Variants in CCDC3 observed in about 807,000 individuals in gnomAD.
The protein encoded by CCDC3 is coiled-coil domain containing 3, also known as coiled-coil domain-containing protein 3.
CCDC3 carries 24 observed loss-of-function variants against 21.4 expected under a neutral mutation model. The observed-to-expected ratio is 1.12, with a 90% CI of 0.81 to 1.58. The LOEUF (loss-of-function observed/expected upper bound fraction) is 1.58, where lower values mean the gene tolerates loss of function less well. Ranked by LOEUF, CCDC3 falls within the 40% of genes most tolerant of loss-of-function variation. The probability of loss-of-function intolerance (pLI) is 0.00; values close to 1 mark genes in which losing one functional copy is unlikely to be tolerated. For synonymous variants in CCDC3, 186 were observed against 166.0 expected, an observed-to-expected ratio of 1.12 and a Z score of -0.93; for missense variants, 425 against 360.9, an observed-to-expected ratio of 1.18 and a Z score of -1.44.
chr10:12,913,414 T>C (rs961791562), intron 2 of CCDC3, among the ~76,000 whole-genome samples: 2 of 152,262 alleles, frequency 1.3e-5, no homozygotes, highest in African/African-American at 4.8e-5. Flanking sequence ...ATACTACTGA[T>C]TTTTGTGTGT....
intron 2 of CCDC3, among the ~76,000 whole-genome samples, chr10:12,989,340 G>A (rs577014699): frequency 1.3e-5 from 2 of 152,332 alleles, no homozygotes; most frequent in African/African-American, 4.8e-5. Context: ...CACTGACTTA[G>A]TCCAGAGCAG....
intron 2 of CCDC3, among the ~76,000 whole-genome samples, chr10:12,981,581 T>C (rs1835497555): frequency 6.6e-6 from 1 of 152,006 alleles, no homozygotes; most frequent in Admixed American, 6.5e-5. Context: ...ACAAGAAAAG[T>C]GATAAAAATT....
At chr10:13,018,452 A>C (rs1836100062) in intron 5 of CCDC3, among the ~76,000 whole-genome samples, 1 of 152,146 alleles carries the variant, frequency 6.6e-6, no homozygotes. Context: ...GATACATGGG[A>C]AAGTTTACAA....
chr10:12,982,208 C>T (rs569003953), intron 2 of CCDC3, among the ~76,000 whole-genome samples: 7 of 149,670 alleles, frequency 4.7e-5, no homozygotes. Context: ...ACGTGGAGGA[C>T]CTTGAGGACA....
intron 2 of CCDC3, among the ~76,000 whole-genome samples, chr10:12,947,373 C>G (rs1333722499): frequency 6.6e-6 from 1 of 152,160 alleles, no homozygotes; most frequent in Non-Finnish European, 1.5e-5. Flanking sequence ...GTCTGGAACT[C>G]CTGACCTCCA....
intron 2 of CCDC3, among the ~76,000 whole-genome samples, chr10:12,922,987 G>A (rs1834475921): frequency 6.6e-6 from 1 of 152,126 alleles, no homozygotes; most frequent in Non-Finnish European, 1.5e-5. Context: ...CTCCCTTTGT[G>A]AGTGAGATAA....
intron 2 of CCDC3, among the ~76,000 whole-genome samples, chr10:12,959,820 A>G (rs1478787346): frequency 6.6e-6 from 1 of 152,090 alleles, no homozygotes; most frequent in Non-Finnish European, 1.5e-5. Context: ...AAACACTCAC[A>G]AGTGAGGCCC....
At chr10:12,942,098 C>G (rs1199991357) in intron 2 of CCDC3, among the ~76,000 whole-genome samples, 3 of 152,146 alleles carry the variant, frequency 2.0e-5, no homozygotes, top group Admixed American at 1.3e-4. Context: ...CTCTTGTTTT[C>G]TCTAGAACCT....
At chr10:12,968,170 G>GAA (rs201352248) in intron 2 of CCDC3, among the ~76,000 whole-genome samples, 4 of 81,114 alleles carry the variant, frequency 4.9e-5, no homozygotes, top group Middle Eastern at 8.8e-3. Context: ...CTTCACCTCA[G>GAA]AAAAAAAAAA....
intron 4 of CCDC3, among the ~76,000 whole-genome samples, chr10:13,069,896 G>T (rs534534536): frequency 6.6e-6 from 1 of 152,204 alleles, no homozygotes. Context: ...ACAGATAATT[G>T]TCTTATTTTG....
chr10:12,928,422 G>C (rs370039970), intron 2 of CCDC3, among the ~76,000 whole-genome samples: 13 of 152,136 alleles, frequency 8.5e-5, no homozygotes, highest in African/African-American at 3.1e-4. Context: ...ACCGTTTTAG[G>C]AATTACAATA....
chr10:13,001,735 C>A (rs550824010), upstream of CCDC3: 434 of 353,756 alleles, frequency 1.2e-3, 2 homozygotes, highest in Non-Finnish European at 1.5e-3. Flanking sequence ...GCGCGCCACG[C>A]TTTAAAAGGG....
chr10:12,935,486 G>A (rs916175458), intron 2 of CCDC3, among the ~76,000 whole-genome samples: 8 of 152,082 alleles, frequency 5.3e-5, no homozygotes, highest in African/African-American at 1.9e-4. Flanking sequence ...ATTTCATATC[G>A]GTTACTGTTT....
chr10:12,954,157 A>G (rs1238824868), intron 2 of CCDC3, among the ~76,000 whole-genome samples: 5 of 152,264 alleles, frequency 3.3e-5, no homozygotes, highest in African/African-American at 1.2e-4. Context: ...ATGTAGCTAC[A>G]GGCTATAGTC....
chr10:12,956,589 C>T (rs1835090133), intron 2 of CCDC3, among the ~76,000 whole-genome samples: 2 of 152,192 alleles, frequency 1.3e-5, no homozygotes, highest in South Asian at 2.1e-4. Context: ...TTTCTTTTGC[C>T]TGGAGCTTCT....
chr10:12,993,060 C>A (rs937438040), intron 2 of CCDC3, among the ~76,000 whole-genome samples: 3 of 152,102 alleles, frequency 2.0e-5, no homozygotes, highest in Non-Finnish European at 4.4e-5. Flanking sequence ...GCACAAACCC[C>A]TGTTACTACT....
At chr10:12,919,703 G>C (rs1430227389) in intron 2 of CCDC3, among the ~76,000 whole-genome samples, 1 of 150,278 alleles carries the variant, frequency 6.7e-6, no homozygotes, top group African/African-American at 2.4e-5. Context: ...GCATCTTGCA[G>C]CTCCTTCCAT....
chr10:12,987,687 G>C (rs1352390719), intron 2 of CCDC3, among the ~76,000 whole-genome samples: 1 of 152,148 alleles, frequency 6.6e-6, no homozygotes, highest in African/African-American at 2.4e-5. Context: ...TATTCCCAAA[G>C]GAAGTGTAAT....
At chr10:12,986,756 G>T (rs1266734868) in intron 2 of CCDC3, among the ~76,000 whole-genome samples, 1 of 147,070 alleles carries the variant, frequency 6.8e-6, no homozygotes, top group East Asian at 2.0e-4. Flanking sequence ...CTGGGCGGCA[G>T]AGCGAGACTC....
Sources: allele counts gnomAD v4.1 joint callset (sites outside exome capture counted in the v4.1 genomes callset), GRCh38; gene constraint gnomAD v4.1.1; transcripts MANE v1.5; gene names NCBI Gene and HGNC (gene_info 2026-07-23, HGNC 2026-07-21).